The following TMEM38B variants were observed in gnomAD, a reference collection of about 807,000 sequenced individuals.
TMEM38B encodes transmembrane protein 38B, also known as trimeric intracellular cation channel type B.
TMEM38B carries 24 observed loss-of-function variants against 28.7 expected under a neutral mutation model. That is an observed-to-expected ratio of 0.84 (90% CI 0.61 to 1.18). The LOEUF is 1.18. Ranked by LOEUF, TMEM38B falls within the 50% of genes most tolerant of loss-of-function variation. The probability of loss-of-function intolerance (pLI) is 0.00; values close to 1 mark genes in which losing one functional copy is unlikely to be tolerated. For missense variants in TMEM38B, 380 were observed against 350.9 expected (o/e 1.08, Z -0.66); for synonymous variants, 131 against 127.7 (o/e 1.03, Z -0.17).
chr9:105,710,822 C>T, intron 2 of TMEM38B: 1 of 409,942 alleles, frequency 2.4e-6, no homozygotes, highest in South Asian at 2.0e-5. Flanking sequence ...ACGGGCCCAG[C>T]AAACCGTCCA....
At chr9:105,730,999 T>C (rs1461448719) in intron 4 of TMEM38B, among the ~76,000 whole-genome samples, 1 of 152,182 alleles carries the variant, frequency 6.6e-6, no homozygotes, top group Non-Finnish European at 1.5e-5. Context: ...TATTTTGTTA[T>C]CTTTTCAAAA....
In TMEM38B at chr9:105,773,942, C is replaced by T; in HGVS notation, c.738C>T (p.Gly246=). The change falls in exon 6 of 6, where the codon GGC becomes GGT. Residue 246 remains glycine (G), a synonymous_variant. Coordinates refer to ENST00000374692, the MANE Select transcript of TMEM38B (RefSeq NM_018112.3). The stretch of plus-strand genomic sequence containing the variant: ...ATACATTGAGTTGGATGCTATTTGG[C>T]TGGCAGCAGCCGTTTTCATCATGTG... ...FEDTLSWMLF[G]WQQPFSSCEK... The T allele has an allele frequency of 6.2e-7, 1 of 1,613,742 alleles. No homozygotes were observed. Among genetic ancestry groups the T allele is most frequent in the Non-Finnish European group, 8.5e-7 (1 of 1,179,770 alleles).
chr9:105,719,721 G>A (rs926580963), intron 2 of TMEM38B, among the ~76,000 whole-genome samples: 2 of 152,044 alleles, frequency 1.3e-5, no homozygotes, highest in South Asian at 2.1e-4. Flanking sequence ...GTTGAATACC[G>A]AAGTCCAAGA....
intron 2 of TMEM38B, among the ~76,000 whole-genome samples, chr9:105,717,572 G>A (rs1836152529): frequency 6.6e-6 from 1 of 152,072 alleles, no homozygotes; most frequent in Non-Finnish European, 1.5e-5. Context: ...CTCAGGAATA[G>A]AGCTTAAACA....
At chr9:105,737,414 C>G (rs115034837) in intron 4 of TMEM38B, among the ~76,000 whole-genome samples, 1 of 152,138 alleles carries the variant, frequency 6.6e-6, no homozygotes. Flanking sequence ...GCAGTGGGGA[C>G]TCTGGACCCT....
At chr9:105,742,454 A>T (rs1837242358) in intron 4 of TMEM38B, among the ~76,000 whole-genome samples, 1 of 152,230 alleles carries the variant, frequency 6.6e-6, no homozygotes, top group Non-Finnish European at 1.5e-5. Context: ...TTGGAATGGC[A>T]ATATCTTTAA....
At chr9:105,753,188 T>C (rs113535431) in intron 5 of TMEM38B, among the ~76,000 whole-genome samples, 206 of 152,204 alleles carry the variant, frequency 1.4e-3, no homozygotes, top group African/African-American at 4.7e-3. Flanking sequence ...ACAGAACCTA[T>C]GATTGGAGTA....
chr9:105,729,806 A>G lies in TMEM38B; in HGVS notation c.542+7185A>G, dbSNP rs1043376410. On this transcript the variant is annotated intron_variant, in intron 4 of 5. Coordinates refer to ENST00000374692, the MANE Select transcript of TMEM38B (RefSeq NM_018112.3). ...TGAAGAGGTCCTTCACATCCCTTGT[A>G]AGTTGGATTCCTAGGTATTTTATTC... Among the ~76,000 whole-genome samples, 38 of 151,994 alleles carry G rather than the reference A, an allele frequency of 2.5e-4. 1 individual carries two copies. The highest frequency in any genetic ancestry group is 7.3e-4 in the African/African-American group (30 of 41,378).
At chr9:105,736,507 C>A (rs756746009) in intron 4 of TMEM38B, among the ~76,000 whole-genome samples, 6 of 152,040 alleles carry the variant, frequency 3.9e-5, no homozygotes, top group South Asian at 2.1e-4. Flanking sequence ...TAATCGTTTT[C>A]CTGGTTTTGT....
At chr9:105,697,349 T>G (rs1372246742) in intron 1 of TMEM38B, among the ~76,000 whole-genome samples, 1 of 152,202 alleles carries the variant, frequency 6.6e-6, no homozygotes, top group Admixed American at 6.5e-5. Context: ...CCAGTACTTG[T>G]AAGGAGGTAA....
intron 4 of TMEM38B, among the ~76,000 whole-genome samples, chr9:105,733,378 C>T (rs1413594626): frequency 6.7e-6 from 1 of 149,850 alleles, no homozygotes; most frequent in Non-Finnish European, 1.5e-5. Flanking sequence ...AGGTTTTTTA[C>T]ATCAATTTTC....
chr9:105,735,988 C>T (rs1238004047), intron 4 of TMEM38B, among the ~76,000 whole-genome samples: 1 of 152,032 alleles, frequency 6.6e-6, no homozygotes, highest in African/African-American at 2.4e-5. Flanking sequence ...CCTCCTCAGC[C>T]TCTCAAAAAT....
At chr9:105,707,842 A>G (rs1835734454) in intron 2 of TMEM38B, among the ~76,000 whole-genome samples, 1 of 152,192 alleles carries the variant, frequency 6.6e-6, no homozygotes, top group Non-Finnish European at 1.5e-5. Flanking sequence ...TTGTTTAACC[A>G]TCTCTTAAAG....
At chr9:105,749,269 G>A in intron 5 of TMEM38B, 1 of 280,200 alleles carries the variant, frequency 3.6e-6, no homozygotes, top group Non-Finnish European at 6.0e-6. Context: ...CCTGATACTG[G>A]GTAATTTATA....
At chr9:105,759,440 G>A (rs1166243823) in intron 5 of TMEM38B, 3 of 1,561,348 alleles carry the variant, frequency 1.9e-6, no homozygotes, top group Non-Finnish European at 2.6e-6. Flanking sequence ...CAAGAAAGAT[G>A]TGCTAAGAAA....
intron 4 of TMEM38B, among the ~76,000 whole-genome samples, chr9:105,732,579 T>A (rs894472189): frequency 3.9e-5 from 6 of 152,178 alleles, no homozygotes; most frequent in Admixed American, 2.0e-4. Context: ...CTTTCCCCAT[T>A]TCTTGTTTTT....
intron 5 of TMEM38B, among the ~76,000 whole-genome samples, chr9:105,757,875 A>G (rs1251143860): frequency 6.6e-6 from 1 of 152,244 alleles, no homozygotes; most frequent in Non-Finnish European, 1.5e-5. Flanking sequence ...TGGAGGGAGT[A>G]TAAACAGGAA....
At chr9:105,730,251 CAGCAATACCTAGTTTATTGAGAGTTTTT>C (rs1168321877) in intron 4 of TMEM38B, among the ~76,000 whole-genome samples, 2 of 152,148 alleles carry the variant, frequency 1.3e-5, no homozygotes, top group Non-Finnish European at 2.9e-5. Context: ...AGATACGTTT[CAGCAATACCTAGTTTATTGAGAGTTTTT>C]AGCATGAAAG....
At chr9:105,738,727 T>TTTTTTC (rs1369892595) in intron 4 of TMEM38B, among the ~76,000 whole-genome samples, 1 of 145,222 alleles carries the variant, frequency 6.9e-6, no homozygotes, top group African/African-American at 2.6e-5. Flanking sequence ...TTTTTTTTTT[T>TTTTTTC]TTTTTTTTTG....
Sources: allele counts gnomAD v4.1 joint callset (sites outside exome capture counted in the v4.1 genomes callset), GRCh38; gene constraint gnomAD v4.1.1; transcripts MANE v1.5; gene names NCBI Gene and HGNC (gene_info 2026-07-23, HGNC 2026-07-21).